Variants in CCN5 observed in about 807,000 individuals in gnomAD.
CCN5 encodes the protein cellular communication network factor 5.
Under a neutral mutation model 18.7 loss-of-function variants are expected in CCN5, and 17 were observed. The observed-to-expected ratio is 0.91, with a 90% CI of 0.62 to 1.36. The LOEUF (loss-of-function observed/expected upper bound fraction) is 1.36, where lower values mean the gene tolerates loss of function less well. Among genes scored for constraint, CCN5 ranks in the 40% most tolerant of loss-of-function variants. CCN5 has a pLI of 0.00. For missense variants in CCN5, 367 were observed against 342.9 expected (o/e 1.07, Z -0.56); for synonymous variants, 135 against 145.2 (o/e 0.93, Z 0.50).
intron 2 of CCN5, among the ~76,000 whole-genome samples, chr20:44,723,106 C>T (rs1424756231): frequency 3.9e-5 from 6 of 152,096 alleles, no homozygotes; most frequent in Non-Finnish European, 8.8e-5. Context: ...CCTCTCTGAC[C>T]TCCTCTCCTC....
Position 44,727,363 on chromosome 20 carries a change from C to A in CCN5, c.*56C>A, listed in dbSNP as rs1257910674. 4 of 1,523,744 alleles carry A rather than the reference C, an allele frequency of 2.6e-6. No individual in the cohort carries two copies. Among genetic ancestry groups the A allele is most frequent in the South Asian group, 1.3e-5 (1 of 79,322 alleles). 94.4% of individuals were successfully genotyped at this position (1,523,744 alleles called of 1,614,324 possible). A position where few individuals can be genotyped will look rare whatever the true frequency, so the allele number is the denominator to read the frequency against. On this transcript the variant is annotated 3_prime_UTR_variant, in exon 4 of 4. Transcript: ENST00000190983. Reference sequence around the variant, plus strand: ...ACCATCCCCAGCTGGTGGCCCTGTGCCTGGGCCCTGGGCTGATGGAAGATG... The same window carrying A: ...ACCATCCCCAGCTGGTGGCCCTGTGACTGGGCCCTGGGCTGATGGAAGATG...
rs761832042 is a variant in CCN5 at position 44,727,636 on chromosome 20, C to A, written c.*329C>A. 1.0e-4 allele frequency: 86 copies of A among 836,000 alleles called. No homozygotes were observed. The highest frequency in any genetic ancestry group is 1.3e-4 in the Non-Finnish European group (81 of 623,922). The allele number at this position is 836,000 out of a possible 1,614,324, so 51.8% of individuals were successfully genotyped here. A position where few individuals can be genotyped will look rare whatever the true frequency, so the allele number is the denominator to read the frequency against. On this transcript the variant is annotated 3_prime_UTR_variant, in exon 4 of 4. Transcript: ENST00000190983. Reference sequence around the variant, plus strand: ...CACGGGCGAGCTTTCTCTCCGACTTCCCCTGGGCAAGAGATGGGACAAGCA... The same window carrying A: ...CACGGGCGAGCTTTCTCTCCGACTTACCCTGGGCAAGAGATGGGACAAGCA...
chr20:44,716,271 G>A (rs1029282850), intron 1 of CCN5, among the ~76,000 whole-genome samples: 1 of 152,188 alleles, frequency 6.6e-6, no homozygotes, highest in African/African-American at 2.4e-5. Flanking sequence ...ACTGGACCAA[G>A]GCCACAGCTG....
rs371417456 is a variant in CCN5 at position 44,727,311 on chromosome 20, C to T, written c.*4C>T. On this transcript the variant is annotated 3_prime_UTR_variant, in exon 4 of 4. Transcript: ENST00000190983. ...TCCACAAAACAGTGCCTTCTAGAGC[C>T]GGGCTGGGAATGGGGACACGGTGTC... 157 of 1,603,712 alleles carry T rather than the reference C, an allele frequency of 9.8e-5. No individual in the cohort carries two copies. The highest frequency in any genetic ancestry group is 1.9e-4 in the South Asian group (17 of 89,956).
upstream of CCN5, chr20:44,715,092 ACG>A: frequency 6.8e-5 from 16 of 236,276 alleles, no homozygotes; most frequent in South Asian, 1.5e-4. Flanking sequence ...ACACACACAC[ACG>A]CGCACACACA....
chr20:44,715,280 C>CGT (rs71197575), upstream of CCN5: 24 of 773,342 alleles, frequency 3.1e-5, no homozygotes, highest in African/African-American at 4.2e-4. Context: ...CGCGCGCGCG[C>CGT]GTGTGTACTC....
intron 2 of CCN5, 186 bp downstream of exon 2, chr20:44,720,299 C>T (rs539972627): frequency 1.5e-6 from 1 of 660,002 alleles, no homozygotes; most frequent in African/African-American, 1.8e-5. Context: ...CCTTCTTGGC[C>T]TCTGCTTAAA....
At chr20:44,726,333 C>T (rs1021396740) in intron 3 of CCN5, among the ~76,000 whole-genome samples, 5 of 152,088 alleles carry the variant, frequency 3.3e-5, no homozygotes, top group Non-Finnish European at 5.9e-5. Flanking sequence ...TCCCTATGCA[C>T]GTATACAGGT....
chr20:44,727,692 T>G lies in CCN5; in HGVS notation c.*385T>G. The G allele has an allele frequency of 4.6e-6, 2 of 438,556 alleles. No individual in the cohort carries two copies. The highest frequency in any genetic ancestry group is 7.4e-6 in the Non-Finnish European group (2 of 271,440). The allele number at this position is 438,556 out of a possible 1,614,324, so 27.2% of individuals were successfully genotyped here. A position where few individuals can be genotyped will look rare whatever the true frequency, so the allele number is the denominator to read the frequency against. On this transcript the variant is annotated 3_prime_UTR_variant, in exon 4 of 4. Coordinates refer to ENST00000190983, the MANE Select transcript of CCN5 (RefSeq NM_003881.4). ...TTAATATTGAGGCTGCAGCAGGTGC[T>G]GGGCTGGACTGGCCATTTTTCTGGG...
Position 44,724,808 on chromosome 20 carries a change from C to T in CCN5, c.348C>T (p.His116=), listed in dbSNP as rs775076154. The part of the protein sequence containing the change: ...LYREGETFQP[H]CSIRCRCEDG... ...GGGAAGGGGAGACCTTCCAGCCCCA[C>T]TGCAGCATCCGCTGCCGCTGCGAGG... Residue 116 remains histidine, a synonymous_variant, in exon 3 of 4, where the codon CAC becomes CAT. Transcript: ENST00000190983. The T allele has an allele frequency of 6.2e-7, 1 of 1,611,780 alleles. No individual in the cohort carries two copies.
chr20:44,714,965 G>T (rs6124658), upstream of CCN5: 38 of 173,984 alleles, frequency 2.2e-4, no homozygotes, highest in East Asian at 5.8e-3. Context: ...CGGACAGGGG[G>T]TCTGGAATAG....
At chr20:44,717,956 G>A (rs114784226) in intron 1 of CCN5, among the ~76,000 whole-genome samples, 2,795 of 152,030 alleles carry the variant, frequency 0.018, 94 homozygotes, top group African/African-American at 0.065. Context: ...ATTCAGCTTC[G>A]GATTTATAGA....
At chr20:44,715,228 T>G, upstream of CCN5, 12 of 550,086 alleles carry the variant, frequency 2.2e-5, no homozygotes, top group East Asian at 3.2e-5. Flanking sequence ...AGCTAGTGTG[T>G]TTGTGTGTGT....
chr20:44,719,949 G>T lies in CCN5; in HGVS notation c.113G>T (p.Arg38Leu), dbSNP rs142450134. Residue 38 changes from arginine to leucine, a missense_variant, in exon 2 of 4, where the codon CGA becomes CTA. Coordinates refer to ENST00000190983, the MANE Select transcript of CCN5 (RefSeq NM_003881.4). ...TGTACCTGCCCCTGGCCACCTCCCCGATGCCCGCTGGGAGTACCCCTGGTG... is the reference window on the plus strand; with the variant it reads ...TGTACCTGCCCCTGGCCACCTCCCCTATGCCCGCTGGGAGTACCCCTGGTG... ...TPCTCPWPPP[R>L]CPLGVPLVLD... The T allele has an allele frequency of 6.2e-7, 1 of 1,613,808 alleles. No homozygotes were observed. Among genetic ancestry groups the T allele is most frequent in the South Asian group, 1.1e-5 (1 of 91,052 alleles).
intron 1 of CCN5, among the ~76,000 whole-genome samples, chr20:44,716,011 C>A (rs1366665991): frequency 6.6e-6 from 1 of 152,206 alleles, no homozygotes; most frequent in Non-Finnish European, 1.5e-5. Context: ...CACCAAAGAG[C>A]CTGTGGGACA....
chr20:44,717,634 T>C (rs1324358617), intron 1 of CCN5, among the ~76,000 whole-genome samples: 1 of 152,246 alleles, frequency 6.6e-6, no homozygotes, highest in East Asian at 1.9e-4. Flanking sequence ...CCCAGCACTT[T>C]GGGAGGCCGA....
chr20:44,715,545 T>C (rs1170694936), intron 1 of CCN5, 95 bp downstream of exon 1: 3 of 1,348,564 alleles, frequency 2.2e-6, no homozygotes, highest in East Asian at 2.5e-5. Flanking sequence ...CTTGGCAGAA[T>C]TCCTCCAGGG....
chr20:44,725,069 G>T, intron 3 of CCN5, 77 bp downstream of exon 3: 1 of 1,433,004 alleles, frequency 7.0e-7, no homozygotes. Context: ...GGGGTGGGGG[G>T]CGGCTTCCTG....
intron 3 of CCN5, 54 bp downstream of exon 3, chr20:44,725,046 CCA>C: frequency 6.8e-7 from 1 of 1,465,566 alleles, no homozygotes; most frequent in Admixed American, 2.7e-5. Flanking sequence ...GCGCCAAGGG[CCA>C]CCTAGGGGGT....
Sources: allele counts gnomAD v4.1 joint callset (sites outside exome capture counted in the v4.1 genomes callset), GRCh38; gene constraint gnomAD v4.1.1; transcripts MANE v1.5; gene names NCBI Gene and HGNC (gene_info 2026-07-23, HGNC 2026-07-21).